PRKAR2A: variants seen among roughly 807,000 people sequenced by gnomAD.
PRKAR2A encodes the protein protein kinase cAMP-dependent type II regulatory subunit alpha, also known as cAMP-dependent protein kinase type II-alpha regulatory subunit.
A neutral mutation model predicts 51.9 loss-of-function variants in PRKAR2A; 29 were observed. The observed-to-expected ratio is 0.56, with a 90% CI of 0.42 to 0.76. The LOEUF is 0.76. Among genes scored for constraint, PRKAR2A ranks in the 30% least tolerant of loss-of-function variants. The pLI, the probability that PRKAR2A is intolerant of heterozygous loss-of-function variation, is 0.00. For missense variants in PRKAR2A, 445 were observed against 512.1 expected (o/e 0.87, Z 1.26); for synonymous variants, 178 against 186.2 (o/e 0.96, Z 0.36).
intron 1 of PRKAR2A, among the ~76,000 whole-genome samples, chr3:48,808,048 C>CTT (rs1181440560): frequency 1.6e-5 from 2 of 122,698 alleles, no homozygotes; most frequent in Non-Finnish European, 3.2e-5. Context: ...TTCTTTCTTT[C>CTT]TTTTTTTTTT....
intron 4 of PRKAR2A, among the ~76,000 whole-genome samples, chr3:48,786,058 T>C (rs184471248): frequency 2.6e-5 from 4 of 152,088 alleles, no homozygotes; most frequent in Admixed American, 2.0e-4. Flanking sequence ...AAATCTCATA[T>C]GTTGTGGACA....
intron 6 of PRKAR2A, among the ~76,000 whole-genome samples, chr3:48,770,600 G>C (rs2082015685): frequency 6.6e-6 from 1 of 152,150 alleles, no homozygotes; most frequent in African/African-American, 2.4e-5. Context: ...CAATTAACAG[G>C]AGAAAAGTAG....
intron 1 of PRKAR2A, among the ~76,000 whole-genome samples, chr3:48,839,287 TAA>T (rs749588693): frequency 7.5e-5 from 9 of 119,666 alleles, no homozygotes; most frequent in Admixed American, 9.0e-5. Flanking sequence ...AAATTCCGTC[TAA>T]AAAAAAAAAA....
At chr3:48,771,940 T>G (rs779109069) in intron 6 of PRKAR2A, among the ~76,000 whole-genome samples, 1 of 152,182 alleles carries the variant, frequency 6.6e-6, no homozygotes, top group South Asian at 2.1e-4. Flanking sequence ...TCTTTTGTTT[T>G]GTTTTGTTTT....
At chr3:48,832,296 C>CAAA (rs75592481) in intron 1 of PRKAR2A, among the ~76,000 whole-genome samples, 1 of 72,616 alleles carries the variant, frequency 1.4e-5, no homozygotes. Context: ...AACTTCATCT[C>CAAA]AAAAAAAAAA....
At chr3:48,777,562 C>T (rs553783023) in intron 5 of PRKAR2A, among the ~76,000 whole-genome samples, 10 of 152,168 alleles carry the variant, frequency 6.6e-5, no homozygotes, top group South Asian at 2.1e-4. Context: ...CCCGCCACCA[C>T]GCCCGGCTAA....
chr3:48,813,027 T>C (rs1303773056), intron 1 of PRKAR2A, among the ~76,000 whole-genome samples: 2 of 152,050 alleles, frequency 1.3e-5, no homozygotes, highest in African/African-American at 2.4e-5. Flanking sequence ...TGGAAAAGAA[T>C]AGGAGGTACC....
intron 9 of PRKAR2A, among the ~76,000 whole-genome samples, chr3:48,755,598 T>C (rs2081747991): frequency 6.6e-6 from 1 of 151,134 alleles, no homozygotes; most frequent in Admixed American, 6.6e-5. Context: ...ATAATTTCCC[T>C]ATTTTCTTTC....
rs2082225590 is a variant in PRKAR2A, at chr3:48,782,974, T to C, written c.542+12A>G. ...AAGTGTGGCCACACAATTTCAAAGC[T>C]CCATCTCCTACCGTTCTATGACATA... On this transcript the variant is annotated intron_variant, in intron 5 of 10. Coordinates refer to ENST00000265563, the MANE Select transcript of PRKAR2A (RefSeq NM_004157.4). The C allele has an allele frequency of 1.9e-6, 3 of 1,550,372 alleles. No individual in the cohort carries two copies. Among genetic ancestry groups the C allele is most frequent in the South Asian group, 2.2e-5 (2 of 89,742 alleles).
intron 9 of PRKAR2A, among the ~76,000 whole-genome samples, chr3:48,755,201 T>C (rs1464595967): frequency 6.6e-6 from 1 of 151,816 alleles, no homozygotes; most frequent in Non-Finnish European, 1.5e-5. Context: ...TTTCACTGTG[T>C]TAGCCAGGAT....
intron 1 of PRKAR2A, among the ~76,000 whole-genome samples, chr3:48,836,700 G>T (rs1241478431): frequency 1.3e-5 from 2 of 151,712 alleles, no homozygotes; most frequent in African/African-American, 4.8e-5. Context: ...GAAAAGGCTG[G>T]ACACAGTGGC....
chr3:48,792,973 A>T (rs2107318959), intron 3 of PRKAR2A, among the ~76,000 whole-genome samples: 1 of 151,552 alleles, frequency 6.6e-6, no homozygotes, highest in South Asian at 2.1e-4. Context: ...AATTGTACAG[A>T]AGTTTAAAAC....
chr3:48,845,886 CAG>C (rs1306256714), intron 1 of PRKAR2A, among the ~76,000 whole-genome samples: 2 of 151,434 alleles, frequency 1.3e-5, no homozygotes, highest in Non-Finnish European at 2.9e-5. Context: ...GTTGGGGTTG[CAG>C]TGAGCCCTGA....
At chr3:48,805,744 TTCTC>T (rs1269566937) in intron 2 of PRKAR2A, among the ~76,000 whole-genome samples, 1 of 152,234 alleles carries the variant, frequency 6.6e-6, no homozygotes, top group Non-Finnish European at 1.5e-5. Flanking sequence ...AAAGGATACT[TTCTC>T]TCCTGTATCA....
At chr3:48,771,837 TTCTA>T (rs2082033613) in intron 6 of PRKAR2A, among the ~76,000 whole-genome samples, 5 of 152,350 alleles carry the variant, frequency 3.3e-5, no homozygotes, top group African/African-American at 9.6e-5. Flanking sequence ...GTGTGCAGTG[TTCTA>T]TAAATTTCAG....
rs533564665 is a variant in PRKAR2A at position 48,809,677 on chromosome 3, A to G, written c.263-1993T>C. On this transcript the variant is annotated intron_variant, in intron 1 of 10. Coordinates refer to ENST00000265563, the MANE Select transcript of PRKAR2A (RefSeq NM_004157.4). ...GTCAGTGCTTGCTCTACAAATGCCA[A>G]TCAAATGAAATTATATCTTTACTGC... Among the ~76,000 whole-genome samples the G allele has an allele frequency of 4.6e-5, 7 of 151,994 alleles. No homozygotes were observed. In the East Asian group the frequency reaches 1.4e-3, roughly 29 times the overall value.
chr3:48,825,557 T>C (rs886445859), intron 1 of PRKAR2A, among the ~76,000 whole-genome samples: 1 of 152,026 alleles, frequency 6.6e-6, no homozygotes, highest in African/African-American at 2.4e-5. Flanking sequence ...GGCACAAGAA[T>C]TGCTTGAACC....
At chr3:48,769,781 C>CT (rs1164652607) in intron 6 of PRKAR2A, among the ~76,000 whole-genome samples, 134 of 145,926 alleles carry the variant, frequency 9.2e-4, no homozygotes, top group South Asian at 3.0e-3. Context: ...CGGCAAGCGA[C>CT]TTTTTTTTTT....
At chr3:48,785,451 G>T (rs1338020962) in intron 4 of PRKAR2A, among the ~76,000 whole-genome samples, 1 of 152,090 alleles carries the variant, frequency 6.6e-6, no homozygotes, top group Non-Finnish European at 1.5e-5. Context: ...GTAGAGACGG[G>T]GTTTCACCAT....
Sources: allele counts gnomAD v4.1 joint callset (sites outside exome capture counted in the v4.1 genomes callset), GRCh38; gene constraint gnomAD v4.1.1; transcripts MANE v1.5; gene names NCBI Gene and HGNC (gene_info 2026-07-23, HGNC 2026-07-21).